FOXO1: variants seen among roughly 807,000 people sequenced by gnomAD.
FOXO1 encodes the protein forkhead box O1, also known as forkhead box protein O1.
A neutral mutation model predicts 44.1 loss-of-function variants in FOXO1; 6 were observed. That is an observed-to-expected ratio of 0.14 (90% confidence interval 0.07 to 0.27). FOXO1 has a LOEUF of 0.27. Among genes scored for constraint, FOXO1 ranks in the 10% least tolerant of loss-of-function variants. FOXO1 has a pLI of 1.00. For synonymous variants in FOXO1, 380 were observed against 362.7 expected (o/e 1.05, Z -0.54); for missense variants, 737 against 888.8 (o/e 0.83, Z 2.17).
chr13:40,597,026 T>C (rs1312772427), intron 1 of FOXO1, among the ~76,000 whole-genome samples: 1 of 152,230 alleles, frequency 6.6e-6, no homozygotes, highest in Non-Finnish European at 1.5e-5. Flanking sequence ...GTGTCCTTCA[T>C]GAGCCAGCAG....
chr13:40,652,289 C>CA (rs1555253398), intron 1 of FOXO1, among the ~76,000 whole-genome samples: 1 of 133,588 alleles, frequency 7.5e-6, no homozygotes. Context: ...ACTGGTGATT[C>CA]TTTTTTTTTT....
intron 1 of FOXO1, among the ~76,000 whole-genome samples, chr13:40,600,843 T>C (rs79117929): frequency 0.023 from 3,483 of 152,314 alleles, 141 homozygotes; most frequent in African/African-American, 0.08. Context: ...ATGTCCAAAT[T>C]GGATCTAACA....
intron 1 of FOXO1, among the ~76,000 whole-genome samples, chr13:40,622,355 T>C (rs968142749): frequency 2.0e-5 from 3 of 152,216 alleles, no homozygotes; most frequent in Non-Finnish European, 2.9e-5. Flanking sequence ...AAAGTATGCA[T>C]TGATGATCTA....
At chr13:40,613,031 G>A (rs1876289444) in intron 1 of FOXO1, among the ~76,000 whole-genome samples, 3 of 152,176 alleles carry the variant, frequency 2.0e-5, no homozygotes, top group Admixed American at 2.0e-4. Flanking sequence ...GCAAGACAGA[G>A]GTGAAGAATT....
chr13:40,644,836 A>G (rs1157200851), intron 1 of FOXO1, among the ~76,000 whole-genome samples: 1 of 152,202 alleles, frequency 6.6e-6, no homozygotes, highest in Non-Finnish European at 1.5e-5. Context: ...CCATGGTCTC[A>G]TATTCTCTAA....
intron 1 of FOXO1, among the ~76,000 whole-genome samples, chr13:40,587,224 A>G (rs1296497488): frequency 1.3e-5 from 2 of 150,242 alleles, no homozygotes; most frequent in Non-Finnish European, 2.9e-5. Flanking sequence ...AGGCACGTGT[A>G]CCTGCCTGAC....
chr13:40,556,874 C>T lies in FOXO1; in HGVS notation c.*2175G>A, dbSNP rs1416441211. ...ATGGCACGGGAGGAAAGTGACAGTA[C>T]GTAGTAATAGAAATTAGTACACAAG... On this transcript the variant is annotated 3_prime_UTR_variant, in exon 3 of 3. Coordinates refer to ENST00000379561, the MANE Select transcript of FOXO1 (RefSeq NM_002015.4). 1 of 152,054 alleles carries T rather than the reference C, an allele frequency of 6.6e-6. No individual in the cohort carries two copies. Among genetic ancestry groups the T allele is most frequent in the African/African-American group, 2.4e-5 (1 of 41,394 alleles). The allele number at this position is 152,054 out of a possible 1,614,324, so 9.4% of individuals were successfully genotyped here. A position where few individuals can be genotyped will look rare whatever the true frequency, so the allele number is the denominator to read the frequency against.
intron 1 of FOXO1, among the ~76,000 whole-genome samples, chr13:40,649,100 A>C (rs958596570): frequency 3.9e-5 from 6 of 152,196 alleles, no homozygotes; most frequent in African/African-American, 1.4e-4. Flanking sequence ...GTTTAATAAA[A>C]GTCAATGTCA....
chr13:40,629,553 T>A (rs1876895765), intron 1 of FOXO1, among the ~76,000 whole-genome samples: 1 of 152,220 alleles, frequency 6.6e-6, no homozygotes, highest in Non-Finnish European at 1.5e-5. Context: ...TTTTGGACTT[T>A]GGATTTTTTC....
At chr13:40,584,042 T>C (rs945943097) in intron 1 of FOXO1, among the ~76,000 whole-genome samples, 2 of 152,134 alleles carry the variant, frequency 1.3e-5, no homozygotes, top group Non-Finnish European at 1.5e-5. Flanking sequence ...AATCTCAATA[T>C]TGTTTTGTCT....
intron 1 of FOXO1, among the ~76,000 whole-genome samples, chr13:40,595,938 ATTTTT>A (rs71080387): frequency 6.2e-4 from 81 of 130,816 alleles, no homozygotes; most frequent in African/African-American, 2.2e-3. Context: ...ATGTCAGCTA[ATTTTT>A]TTTTTTTTTT....
intron 1 of FOXO1, among the ~76,000 whole-genome samples, chr13:40,574,016 G>A (rs1874645224): frequency 6.6e-6 from 1 of 152,126 alleles, no homozygotes; most frequent in Non-Finnish European, 1.5e-5. Context: ...TTGTTTCAGC[G>A]TTTTCACTTT....
Position 40,578,700 on chromosome 13 carries a change from T to A in FOXO1, c.631-17840A>T, listed in dbSNP as rs770020263. ...TCCTTTTAGGGTGATTTGAATTCAC[T>A]GAAAAAATACCTTTGGGACACTCTG... On this transcript the variant is annotated intron_variant, in intron 1 of 2. Coordinates refer to ENST00000379561, the MANE Select transcript of FOXO1 (RefSeq NM_002015.4). Among the ~76,000 whole-genome samples, 21 of 152,342 alleles carry A rather than the reference T, an allele frequency of 1.4e-4. No individual in the cohort carries two copies. The South Asian group carries it at 2.1e-3, about 15-fold the overall frequency.
intron 1 of FOXO1, among the ~76,000 whole-genome samples, chr13:40,595,455 T>C (rs140292660): frequency 9.5e-4 from 145 of 152,282 alleles, no homozygotes; most frequent in African/African-American, 3.1e-3. Context: ...CTGATGTCAA[T>C]GGTCCATGCT....
intron 1 of FOXO1, among the ~76,000 whole-genome samples, chr13:40,583,961 G>A (rs992086925): frequency 2.0e-5 from 3 of 152,162 alleles, no homozygotes; most frequent in African/African-American, 7.2e-5. Context: ...TTTACAGTGA[G>A]TGAGATCAGA....
chr13:40,620,298 G>C, intron 1 of FOXO1: 1 of 1,015,466 alleles, frequency 9.8e-7, no homozygotes, highest in Non-Finnish European at 1.6e-6. Flanking sequence ...CTCATCCAGA[G>C]TAGGGCTAAC....
At chr13:40,610,315 T>G (rs1171449095) in intron 1 of FOXO1, among the ~76,000 whole-genome samples, 1 of 152,202 alleles carries the variant, frequency 6.6e-6, no homozygotes, top group Admixed American at 6.5e-5. Context: ...ATCTGTCTAT[T>G]TGGCACCATC....
chr13:40,603,259 A>G (rs1030221881), intron 1 of FOXO1, among the ~76,000 whole-genome samples: 1 of 151,340 alleles, frequency 6.6e-6, no homozygotes, highest in Non-Finnish European at 1.5e-5. Flanking sequence ...GGCTTTTGGC[A>G]GTCAATGCTC....
At chr13:40,656,894 G>C (rs911037113) in intron 1 of FOXO1, among the ~76,000 whole-genome samples, 2 of 151,180 alleles carry the variant, frequency 1.3e-5, no homozygotes, top group Non-Finnish European at 2.9e-5. Flanking sequence ...GCAGTGGCAC[G>C]ATCCAGGCTC....
Sources: allele counts gnomAD v4.1 joint callset (sites outside exome capture counted in the v4.1 genomes callset), GRCh38; gene constraint gnomAD v4.1.1; transcripts MANE v1.5; gene names NCBI Gene and HGNC (gene_info 2026-07-23, HGNC 2026-07-21).